SLC1A1: variants seen among roughly 807,000 people sequenced by gnomAD.
SLC1A1 encodes excitatory amino acid transporter 3.
SLC1A1 carries 43 observed loss-of-function variants against 53.3 expected under a neutral mutation model. The ratio of observed to expected loss-of-function variants is 0.81; its 90% CI spans 0.63 to 1.04. SLC1A1 has a LOEUF of 1.04. SLC1A1 is among the 50% of genes least tolerant of loss of function. The pLI is 0.00. For synonymous variants in SLC1A1, 307 were observed against 243.2 expected, an observed-to-expected ratio of 1.26 and a Z score of -2.44; for missense variants, 748 against 664.9, an observed-to-expected ratio of 1.12 and a Z score of -1.37.
chr9:4,572,582 T>C (rs902199930), intron 7 of SLC1A1, among the ~76,000 whole-genome samples, 194 bp downstream of exon 7: 1 of 152,222 alleles, frequency 6.6e-6, no homozygotes, highest in African/African-American at 2.4e-5. Flanking sequence ...AGTCTCACTC[T>C]GTCACCCCAG....
chr9:4,570,741 C>G (rs899902442), intron 6 of SLC1A1, among the ~76,000 whole-genome samples: 30 of 151,922 alleles, frequency 2.0e-4, no homozygotes, highest in Non-Finnish European at 5.9e-5. Context: ...TATTTTTACC[C>G]AGGATAAAGT....
At chr9:4,579,328 GT>G (rs771470089) in intron 10 of SLC1A1, among the ~76,000 whole-genome samples, 45 of 152,180 alleles carry the variant, frequency 3.0e-4, no homozygotes, top group Non-Finnish European at 5.6e-4. Context: ...ATTTCCAAGG[GT>G]TTTTTCCCAC....
intron 1 of SLC1A1, among the ~76,000 whole-genome samples, chr9:4,538,327 T>A (rs1253929627): frequency 6.6e-6 from 1 of 152,144 alleles, no homozygotes; most frequent in African/African-American, 2.4e-5. Flanking sequence ...CAGGTGACAG[T>A]TAGGTAAGAG....
At chr9:4,572,481 G>A (rs2129777157) in intron 7 of SLC1A1, 93 bp downstream of exon 7, 9 of 1,061,322 alleles carry the variant, frequency 8.5e-6, no homozygotes, top group African/African-American at 3.1e-5. Context: ...GTCAACTGAT[G>A]AAGCTAGAGA....
At position 4,537,604 on chromosome 9, in the gene SLC1A1, A is replaced by AAAT. The variant is rs1564015986; in HGVS notation, c.92-6961_92-6960insTAA. Reference sequence around the variant, plus strand: ...AAAATAAAATAAAATAAAATAAAAAAAAAAAAAATCACATGCTACAACATG... The same window carrying AAAT: ...AAAATAAAATAAAATAAAATAAAAAAAATAAAAAAAATCACATGCTACAACATG... On this transcript the variant is annotated intron_variant, in intron 1 of 11. Transcript: ENST00000262352. Among the ~76,000 whole-genome samples, 18 of 39,786 alleles carry AAAT rather than the reference A, an allele frequency of 4.5e-4. 5 individuals are homozygous for AAAT. Among genetic ancestry groups the AAAT allele is most frequent in the Admixed American group, 2.8e-3 (10 of 3,540 alleles). 26.1% of individuals were successfully genotyped at this position (39,786 alleles called of 152,430 possible).
At chr9:4,512,167 A>G (rs1821019794) in intron 1 of SLC1A1, among the ~76,000 whole-genome samples, 1 of 152,198 alleles carries the variant, frequency 6.6e-6, no homozygotes, top group Non-Finnish European at 1.5e-5. Context: ...TGCAATTCTG[A>G]TCTAAATCCC....
At chr9:4,570,376 A>T (rs989989608) in intron 6 of SLC1A1, among the ~76,000 whole-genome samples, 16 of 145,986 alleles carry the variant, frequency 1.1e-4, no homozygotes, top group African/African-American at 3.7e-4. Context: ...CCTCAACATA[A>T]TTTTTTTTTT....
Position 4,585,405 on chromosome 9 carries a change from T to C in SLC1A1, c.1422T>C (p.Asp474=). The change falls in exon 12 of 12, where the codon GAT becomes GAC. Residue 474 remains aspartate (D), a synonymous_variant. Coordinates refer to ENST00000262352, the MANE Select transcript of SLC1A1 (RefSeq NM_004170.6). ...KLSKKELEQM[D]VSSEVNIVNP... is the part of the protein sequence containing the mutation. ...CCAAGAAGGAGCTGGAGCAGATGGA[T>C]GTTTCATCTGAAGTCAACATTGTGA... 1.2e-6 allele frequency: 2 copies of C among 1,614,168 alleles called. No individual in the cohort carries two copies. Among genetic ancestry groups the C allele is most frequent in the Non-Finnish European group, 1.7e-6 (2 of 1,179,990 alleles).
chr9:4,500,581 G>A (rs929542455), intron 1 of SLC1A1, among the ~76,000 whole-genome samples: 3 of 152,176 alleles, frequency 2.0e-5, no homozygotes, highest in African/African-American at 4.8e-5. Flanking sequence ...AAAGTGCTGG[G>A]ATTACAGGTG....
chr9:4,528,456 G>A (rs182214799), intron 1 of SLC1A1, among the ~76,000 whole-genome samples: 4 of 152,216 alleles, frequency 2.6e-5, no homozygotes, highest in Admixed American at 1.3e-4. Context: ...GGTGCCTGTA[G>A]TCCCAGCTAC....
intron 1 of SLC1A1, among the ~76,000 whole-genome samples, chr9:4,524,891 G>A (rs910130283): frequency 4.6e-5 from 7 of 152,030 alleles, no homozygotes; most frequent in African/African-American, 1.7e-4. Context: ...ACTCGCTACT[G>A]CAAGAATAGC....
intron 1 of SLC1A1, among the ~76,000 whole-genome samples, chr9:4,526,719 C>T (rs1266037501): frequency 2.0e-5 from 3 of 151,998 alleles, no homozygotes; most frequent in Non-Finnish European, 2.9e-5. Context: ...AACAAAATTA[C>T]AATTAAGAAA....
At chr9:4,512,333 C>T (rs1821026060) in intron 1 of SLC1A1, among the ~76,000 whole-genome samples, 2 of 151,870 alleles carry the variant, frequency 1.3e-5, no homozygotes, top group South Asian at 4.2e-4. Context: ...GGCAACGTGG[C>T]AAAACTCTAC....
chr9:4,547,408 T>C (rs1817582110), intron 2 of SLC1A1, among the ~76,000 whole-genome samples: 1 of 152,194 alleles, frequency 6.6e-6, no homozygotes, highest in South Asian at 2.1e-4. Flanking sequence ...ACCCCATCTT[T>C]TGATTTGGAG....
chr9:4,553,364 CTTTTTTTTTTTTT>C (rs33971780), intron 2 of SLC1A1: 1 of 110,152 alleles, frequency 9.1e-6, no homozygotes, highest in African/African-American at 3.5e-5. Flanking sequence ...CCCACCGCTT[CTTTTTTTTTTTTT>C]TTTTTTTTGA....
chr9:4,580,637 G>GTC lies in SLC1A1; in HGVS notation c.1194-2400_1194-2399insCT, dbSNP rs1554690393. Among the ~76,000 whole-genome samples the GTC allele has an allele frequency of 1.1e-4, 3 of 26,320 alleles. No individual in the cohort carries two copies. The Admixed American group carries it at 2.1e-3, about 18-fold the overall frequency. The allele number at this position is 26,320 out of a possible 152,430, so 17.3% of individuals were successfully genotyped here. On this transcript the variant is annotated intron_variant, in intron 10 of 11. Coordinates refer to ENST00000262352, the MANE Select transcript of SLC1A1 (RefSeq NM_004170.6). The stretch of plus-strand genomic sequence containing the variant: ...TGTGTGTGTGTGTGTGTGTGTGTGT[G>GTC]TGTGTGTGTGTGTGTATAAGGAATA...
At chr9:4,533,143 A>T (rs1227066778) in intron 1 of SLC1A1, among the ~76,000 whole-genome samples, 1 of 152,210 alleles carries the variant, frequency 6.6e-6, no homozygotes, top group African/African-American at 2.4e-5. Context: ...GGCTAGGAAG[A>T]AACTGCATCA....
At chr9:4,525,738 G>T (rs748950098) in intron 1 of SLC1A1, among the ~76,000 whole-genome samples, 5 of 152,138 alleles carry the variant, frequency 3.3e-5, no homozygotes, top group African/African-American at 1.2e-4. Context: ...TGCAACTGAT[G>T]TAAGGACTGG....
At chr9:4,517,428 A>C (rs1294358219) in intron 1 of SLC1A1, among the ~76,000 whole-genome samples, 1 of 152,190 alleles carries the variant, frequency 6.6e-6, no homozygotes, top group African/African-American at 2.4e-5. Flanking sequence ...TTGACCTCAC[A>C]ACATAGCACC....
Sources: gnomAD v4.1 joint callset for allele counts (sites outside exome capture counted in the v4.1 genomes callset) on GRCh38, gnomAD v4.1.1 for gene constraint, MANE v1.5 for transcripts, NCBI Gene and HGNC (gene_info 2026-07-23, HGNC 2026-07-21) for gene names.